The following SATB2 variants were observed in gnomAD, a reference collection of about 807,000 sequenced individuals.
SATB2 encodes the protein SATB homeobox 2.
A neutral mutation model predicts 73.4 loss-of-function variants in SATB2; 1 was observed. The ratio of observed to expected loss-of-function variants is 0.01; its 90% confidence interval spans 0.00 to 0.06. The LOEUF is 0.06. SATB2 is among the 10% of genes least tolerant of loss of function. The pLI is 1.00. For missense variants in SATB2, 459 were observed against 945.8 expected (o/e 0.49, Z 6.75); for synonymous variants, 397 against 367.0 (o/e 1.08, Z -0.93).
rs558903294 is a variant in SATB2, at chr2:199,364,448, G to T, written c.700+4157C>A. Among the ~76,000 whole-genome samples the T allele has an allele frequency of 1.9e-4, 29 of 152,186 alleles. 1 individual carries two copies. Among genetic ancestry groups the T allele is most frequent in the Middle Eastern group, 6.8e-3 (2 of 294 alleles). On this transcript the variant is annotated intron_variant, in intron 6 of 10. Transcript: ENST00000417098. ...AAACCAGGCTTGGGGAAGTAACACT[G>T]GTTTTTAAAATCCTCTTTTCTCCCA...
chr2:199,311,899 A>T (rs1437056461), intron 9 of SATB2, among the ~76,000 whole-genome samples: 1 of 152,218 alleles, frequency 6.6e-6, no homozygotes, highest in Non-Finnish European at 1.5e-5. Flanking sequence ...AATGTGTGAG[A>T]AAGTGCCACG....
rs186462363 is a variant in SATB2, at chr2:199,295,856, A to G, written c.1740+12904T>C. On this transcript the variant is annotated intron_variant, in intron 10 of 10. Transcript: ENST00000417098. ...GACCTTAGAACTGTCAAACCTATCTAGTTTGCTTGATCTCCCATTTCTAGG... is the reference window on the plus strand; with the variant it reads ...GACCTTAGAACTGTCAAACCTATCTGGTTTGCTTGATCTCCCATTTCTAGG... 9.8e-5 allele frequency among the ~76,000 whole-genome samples: 15 copies of G among 152,330 alleles called. No individual in the cohort carries two copies. The East Asian group carries it at 2.9e-3, about 29-fold the overall frequency.
chr2:199,346,685 G>A (rs567425750), intron 7 of SATB2, among the ~76,000 whole-genome samples: 9 of 152,180 alleles, frequency 5.9e-5, no homozygotes, highest in East Asian at 3.9e-4. Context: ...TGCAAGAGAC[G>A]TGGAAACCAA....
intron 5 of SATB2, 80 bp downstream of exon 5, chr2:199,380,284 T>G: frequency 6.4e-7 from 1 of 1,552,572 alleles, no homozygotes; most frequent in Non-Finnish European, 8.9e-7. Context: ...AAGACAGTTG[T>G]TTAAGCAGAA....
intron 6 of SATB2, among the ~76,000 whole-genome samples, chr2:199,357,149 A>T (rs754406378): frequency 5.9e-5 from 9 of 152,178 alleles, no homozygotes; most frequent in Non-Finnish European, 1.2e-4. Context: ...TAGCTTTAGG[A>T]TTTGGGTCAG....
chr2:199,451,036 T>C (rs751680266), intron 2 of SATB2, among the ~76,000 whole-genome samples: 1 of 151,800 alleles, frequency 6.6e-6, no homozygotes, highest in Non-Finnish European at 1.5e-5. Flanking sequence ...ATGATATTGC[T>C]TATTTTCTGC....
At chr2:199,288,861 G>C (rs1692763512) in intron 10 of SATB2, among the ~76,000 whole-genome samples, 2 of 152,276 alleles carry the variant, frequency 1.3e-5, no homozygotes, top group South Asian at 4.1e-4. Flanking sequence ...AATGATCAAA[G>C]AAGGGTTTTC....
intron 3 of SATB2, among the ~76,000 whole-genome samples, chr2:199,427,198 C>A (rs914516741): frequency 1.3e-5 from 2 of 152,070 alleles, no homozygotes; most frequent in African/African-American, 4.8e-5. Context: ...TATTTAAAAT[C>A]ATAGTATTTG....
At chr2:199,407,965 A>G (rs145608107) in intron 3 of SATB2, among the ~76,000 whole-genome samples, 2 of 152,340 alleles carry the variant, frequency 1.3e-5, no homozygotes, top group African/African-American at 4.8e-5. Flanking sequence ...CCACAGATGT[A>G]ATCCCAAACC....
At chr2:199,377,428 A>G (rs1461229002) in intron 5 of SATB2, among the ~76,000 whole-genome samples, 2 of 152,204 alleles carry the variant, frequency 1.3e-5, no homozygotes, top group African/African-American at 4.8e-5. Context: ...TATATGGACT[A>G]GAATATAAAC....
intron 3 of SATB2, among the ~76,000 whole-genome samples, chr2:199,410,646 C>T (rs1690783877): frequency 6.6e-6 from 1 of 152,186 alleles, no homozygotes; most frequent in Non-Finnish European, 1.5e-5. Context: ...GCTACTATAA[C>T]TTTATGGAAT....
intron 3 of SATB2, among the ~76,000 whole-genome samples, chr2:199,423,491 A>T (rs774268883): frequency 6.6e-6 from 1 of 152,086 alleles, no homozygotes; most frequent in African/African-American, 2.4e-5. Flanking sequence ...CTTAATTTTA[A>T]AATCTTTAAA....
At chr2:199,434,644 G>A (rs1691601870) in intron 2 of SATB2, among the ~76,000 whole-genome samples, 1 of 152,098 alleles carries the variant, frequency 6.6e-6, no homozygotes, top group African/African-American at 2.4e-5. Context: ...GGCAGACGGG[G>A]GAGGTAGAAA....
rs1295113232 is a variant in SATB2 at position 199,270,036 on chromosome 2, G to A, written c.*2175C>T. ...AAAATCAGTTTCCATTACGTGTACAGAGTGACCTTCAGCAACAGTGTAAGA... is the reference window on the plus strand; with the variant it reads ...AAAATCAGTTTCCATTACGTGTACAAAGTGACCTTCAGCAACAGTGTAAGA... On this transcript the variant is annotated 3_prime_UTR_variant, in exon 11 of 11. Transcript: ENST00000417098. The A allele has an allele frequency of 6.5e-6, 1 of 152,736 alleles. No homozygotes were observed. Among genetic ancestry groups the A allele is most frequent in the Admixed American group, 6.5e-5 (1 of 15,270 alleles). The allele number at this position is 152,736 out of a possible 1,614,324, so 9.5% of individuals were successfully genotyped here.
In SATB2 at chr2:199,433,384, C is replaced by G; in HGVS notation, c.300G>C (p.Ala100=). 1 of 1,614,156 alleles carries G rather than the reference C, an allele frequency of 6.2e-7. No individual in the cohort carries two copies. The highest frequency in any genetic ancestry group is 1.1e-5 in the South Asian group (1 of 91,080). Residue 100 remains alanine (A), a synonymous_variant, in exon 3 of 11, where the codon GCG becomes GCC. Coordinates refer to ENST00000417098, the MANE Select transcript of SATB2 (RefSeq NM_001172509.2). ...DVLFSQLVET[A]LLALGYSHSS... is the part of the protein sequence containing the mutation. ...TGTGAGAATACCCCAGGGCCAGGAG[C>G]GCAGTCTCCACCAGCTGGCTAAAAA...
At chr2:199,364,229 T>A (rs536289145) in intron 6 of SATB2, among the ~76,000 whole-genome samples, 1 of 152,336 alleles carries the variant, frequency 6.6e-6, no homozygotes, top group East Asian at 1.9e-4. Context: ...ATTACTTATT[T>A]CTTTTAATCA....
Position 199,348,966 on chromosome 2 carries a change from C to T in SATB2, c.908G>A (p.Ser303Asn), listed in dbSNP as rs1215347266. 6.2e-7 allele frequency: 1 copy of T among 1,613,978 alleles called. No individual in the cohort carries two copies. The highest frequency in any genetic ancestry group is 1.3e-5 in the African/African-American group (1 of 74,912). ...TATTTGTTGCCTTACAAGTTGTGGA[C>T]TAAGCTGGGGAGAAAGAAGACCAGG... is the stretch of plus-strand genomic sequence containing the variant. The part of the protein sequence containing the change: ...MSPGLLSPQL[S>N]PQLVRQQIAM... Residue 303 changes from serine to asparagine, a missense_variant, in exon 7 of 11, where the codon AGT becomes AAT. Transcript: ENST00000417098.
intron 9 of SATB2, among the ~76,000 whole-genome samples, chr2:199,321,982 G>A (rs903150486): frequency 6.6e-6 from 1 of 152,102 alleles, no homozygotes; most frequent in African/African-American, 2.4e-5. Flanking sequence ...CGAAATCAGG[G>A]CTACTGATTT....
chr2:199,382,112 T>C (rs1689797114), intron 3 of SATB2, among the ~76,000 whole-genome samples: 1 of 152,206 alleles, frequency 6.6e-6, no homozygotes, highest in Admixed American at 6.5e-5. Flanking sequence ...CCCCCAGAAT[T>C]GTTTCACATT....
Sources: gnomAD v4.1 joint callset for allele counts (sites outside exome capture counted in the v4.1 genomes callset) on GRCh38, gnomAD v4.1.1 for gene constraint, MANE v1.5 for transcripts, NCBI Gene and HGNC (gene_info 2026-07-23, HGNC 2026-07-21) for gene names.